Variants in TBCD observed in about 807,000 individuals in gnomAD.
The protein encoded by TBCD is tubulin folding cofactor D.
TBCD carries 105 observed loss-of-function variants against 169.3 expected under a neutral mutation model. That is an observed-to-expected ratio of 0.62 (90% CI 0.53 to 0.73). The LOEUF (loss-of-function observed/expected upper bound fraction) is 0.73, where lower values mean the gene tolerates loss of function less well. Ranked by LOEUF, TBCD falls within the 30% of genes least tolerant of loss-of-function variation. The pLI is 0.00. For missense variants in TBCD, 1,444 were observed against 1,600.1 expected, an observed-to-expected ratio of 0.90 and a Z score of 1.66; for synonymous variants, 700 against 643.9, an observed-to-expected ratio of 1.09 and a Z score of -1.32.
chr17:82,805,805 A>G, intron 9 of TBCD, 70 bp from the exon 10 acceptor site: 1 of 1,510,056 alleles, frequency 6.6e-7, no homozygotes, highest in Non-Finnish European at 9.0e-7. Context: ...AGTGACACTG[A>G]ATGACTGGTT....
intron 11 of TBCD, 147 bp from the exon 12 acceptor site, chr17:82,809,561 A>C: frequency 1.3e-6 from 1 of 773,372 alleles, no homozygotes. Flanking sequence ...GGGGGCTCCA[A>C]GCAGGGTGCG....
chr17:82,767,990 CGCT>C (rs1167428128), intron 4 of TBCD, among the ~76,000 whole-genome samples: 2 of 151,360 alleles, frequency 1.3e-5, no homozygotes, highest in East Asian at 3.9e-4. Flanking sequence ...TCAGGTGATC[CGCT>C]CGTCTCGGCC....
rs76203053 is a variant in TBCD, at chr17:82,827,542, C to G, written c.1318+12608C>G. ...CAGGGGTGCTTCGCACATGCCGGTA[C>G]TTGACCACTGCTTTAAACCCATGTG... On this transcript the variant is annotated intron_variant, in intron 13 of 38. Coordinates refer to ENST00000355528, the MANE Select transcript of TBCD (RefSeq NM_005993.5). Among the ~76,000 whole-genome samples the G allele has an allele frequency of 2.9e-3, 444 of 152,318 alleles. 3 individuals are homozygous for G. The highest frequency in any genetic ancestry group is 2.3e-3 in the Non-Finnish European group (159 of 68,008).
chr17:82,889,840 A>G lies in TBCD; in HGVS notation c.1563+143A>G, dbSNP rs75071623. 5,111 of 912,948 alleles carry G rather than the reference A, an allele frequency of 5.6e-3. 205 individuals carry two copies. The African/African-American group carries it at 0.076, about 14-fold the overall frequency. The allele number at this position is 912,948 out of a possible 1,614,324, so 56.6% of individuals were successfully genotyped here. ...AATGCCAGGGTCATGAGTTCACTAT[A>G]GGACGCACATGTTAAACAGCGAGTC... On this transcript the variant is annotated intron_variant, in intron 16 of 38. Coordinates refer to ENST00000355528, the MANE Select transcript of TBCD (RefSeq NM_005993.5). This position sits in a 1 kb window ranked among gnomAD's most constrained non-coding sequence, Gnocchi z 5.3.
At chr17:82,941,613 C>A (rs890173694) in intron 38 of TBCD, 130 bp downstream of exon 38, 1 of 804,594 alleles carries the variant, frequency 1.2e-6, no homozygotes, top group African/African-American at 1.7e-5. Flanking sequence ...CATGTCAGGA[C>A]CCCTGGGATT....
chr17:82,899,181 G>T, intron 17 of TBCD, among the ~76,000 whole-genome samples: 1 of 148,026 alleles, frequency 6.8e-6, no homozygotes, highest in African/African-American at 2.6e-5. Flanking sequence ...CGCGTCCTCG[G>T]CTCGTGTCCT....
chr17:82,893,321 G>A lies in TBCD; in HGVS notation c.1564-226G>A, dbSNP rs766824711. On this transcript the variant is annotated intron_variant, in intron 16 of 38. Transcript: ENST00000355528. The stretch of plus-strand genomic sequence containing the variant: ...TTTGAAAAAGATGAAATACTTGTGA[G>A]TGGTTTCAATGATTTAGCGTGGTGT... 6 of 549,510 alleles carry A rather than the reference G, an allele frequency of 1.1e-5. No homozygotes were observed. The South Asian group carries it at 1.2e-4, about 11-fold the overall frequency. 34.0% of individuals were successfully genotyped at this position (549,510 alleles called of 1,614,324 possible).
In TBCD at chr17:82,877,570, G is replaced by C. The variant is rs2146116703; in HGVS notation, c.1476-6575G>C. Among the ~76,000 whole-genome samples, 2 of 152,250 alleles carry C rather than the reference G, an allele frequency of 1.3e-5. 1 individual carries two copies. On this transcript the variant is annotated intron_variant, in intron 14 of 38. Transcript: ENST00000355528. ...TTGGCCAGGCTGTTCTCGAACTCCTGATCTCGTGATCCACCCACCTTGGCC... is the reference window on the plus strand; with the variant it reads ...TTGGCCAGGCTGTTCTCGAACTCCTCATCTCGTGATCCACCCACCTTGGCC...
intron 13 of TBCD, among the ~76,000 whole-genome samples, chr17:82,842,486 G>A (rs2054602548): frequency 6.6e-6 from 1 of 152,128 alleles, no homozygotes; most frequent in African/African-American, 2.4e-5. Flanking sequence ...CTGCCCCCAT[G>A]TCTGCCTTCC....
Position 82,929,286 on chromosome 17 carries a change from T to TA in TBCD, c.2852+16dup. The TA allele has an allele frequency of 6.2e-7, 1 of 1,612,494 alleles. No individual in the cohort carries two copies. The highest frequency in any genetic ancestry group is 8.5e-7 in the Non-Finnish European group (1 of 1,178,850). On this transcript the variant is annotated intron_variant, in intron 31 of 38. Coordinates refer to ENST00000355528, the MANE Select transcript of TBCD (RefSeq NM_005993.5). Reference sequence around the variant, plus strand: ...CTGTTTCCCAGGTACTGTCGGGGTGTAGGCCCCCCGTGCTGGCCCCGCAGC... The same window carrying TA: ...CTGTTTCCCAGGTACTGTCGGGGTGTAAGGCCCCCCGTGCTGGCCCCGCAGC...
At position 82,944,780 on chromosome 17, in the gene TBCD, C is replaced by T. The variant is rs141832782; in HGVS notation, c.*2317C>T. On this transcript the variant is annotated 3_prime_UTR_variant, in exon 39 of 39. Coordinates refer to ENST00000355528, the MANE Select transcript of TBCD (RefSeq NM_005993.5). ...GAGACCTTGGAGATCCTGAGGGTTTCTGCTGAGCCCTGGAATCTAGTCACG... is the reference window on the plus strand; with the variant it reads ...GAGACCTTGGAGATCCTGAGGGTTTTTGCTGAGCCCTGGAATCTAGTCACG... 3.3e-5 allele frequency: 5 copies of T among 152,326 alleles called. No individual in the cohort carries two copies. In the East Asian group the frequency reaches 7.7e-4, roughly 23 times the overall value. 9.4% of individuals were successfully genotyped at this position (152,326 alleles called of 1,614,324 possible). A position where few individuals can be genotyped will look rare whatever the true frequency, so the allele number is the denominator to read the frequency against.
chr17:82,774,038 C>CT (rs34066502), intron 6 of TBCD, among the ~76,000 whole-genome samples: 54,373 of 138,420 alleles, frequency 0.39, 10,439 homozygotes, highest in Middle Eastern at 0.45. Context: ...CCGAGTGTGT[C>CT]TTTTTTTTTT....
intron 14 of TBCD, among the ~76,000 whole-genome samples, chr17:82,875,311 G>T (rs2057886024): frequency 1.3e-5 from 2 of 152,204 alleles, no homozygotes; most frequent in Admixed American, 1.3e-4. Flanking sequence ...GAAGCCAAGT[G>T]CAATTTAGGG....
At chr17:82,935,722 C>T (rs142452125) in intron 34 of TBCD, among the ~76,000 whole-genome samples, 353 of 152,274 alleles carry the variant, frequency 2.3e-3, no homozygotes, top group African/African-American at 7.7e-3. Context: ...CTGCTATTGT[C>T]GGATATTTTG....
chr17:82,834,765 C>A (rs192943927), intron 13 of TBCD, among the ~76,000 whole-genome samples: 33 of 152,242 alleles, frequency 2.2e-4, no homozygotes, highest in African/African-American at 7.2e-4. Context: ...ATAGCTAATG[C>A]ATGCAGGGCT....
intron 9 of TBCD, among the ~76,000 whole-genome samples, chr17:82,803,519 A>G (rs1234917710): frequency 2.0e-5 from 3 of 152,070 alleles, no homozygotes; most frequent in Non-Finnish European, 2.9e-5. Flanking sequence ...TCTTCTCCCC[A>G]ACATCCTCTC....
chr17:82,761,112 G>A (rs2047731888), intron 2 of TBCD, among the ~76,000 whole-genome samples: 1 of 151,918 alleles, frequency 6.6e-6, no homozygotes, highest in African/African-American at 2.4e-5. Flanking sequence ...GGCGCCACCT[G>A]TAAAATTAGC....
intron 17 of TBCD, 102 bp downstream of exon 17, chr17:82,893,734 C>T: frequency 2.5e-6 from 2 of 806,008 alleles, no homozygotes; most frequent in South Asian, 3.6e-5. Context: ...GTAATGTCCA[C>T]TCAATGGAAT....
Position 82,943,693 on chromosome 17 carries a change from G to A in TBCD, c.*1230G>A, listed in dbSNP as rs187939336. The A allele has an allele frequency of 1.2e-3, 184 of 152,362 alleles. 1 individual carries two copies. The highest frequency in any genetic ancestry group is 4.2e-3 in the African/African-American group (175 of 41,558). 9.4% of individuals were successfully genotyped at this position (152,362 alleles called of 1,614,324 possible). ...CAGCTCTTCACGGGATGTGTGTGAC[G>A]ACCTGGCCACACAGGAGTGTGGGGT... On this transcript the variant is annotated 3_prime_UTR_variant, in exon 39 of 39. Transcript: ENST00000355528.
Sources: gnomAD v4.1 joint callset for allele counts (sites outside exome capture counted in the v4.1 genomes callset) on GRCh38, gnomAD v4.1.1 for gene constraint, Gnocchi (gnomAD v3.1) non-coding constraint, MANE v1.5 for transcripts, NCBI Gene and HGNC (gene_info 2026-07-23, HGNC 2026-07-21) for gene names.